SUSD6: variants seen among roughly 807,000 people sequenced by gnomAD.
SUSD6 encodes the protein sushi domain-containing protein 6.
SUSD6 carries 16 observed loss-of-function variants against 28.4 expected under a neutral mutation model. The observed-to-expected ratio is 0.56, with a 90% confidence interval of 0.38 to 0.86. The LOEUF is 0.86. SUSD6 is among the 40% of genes least tolerant of loss of function. The pLI, the probability that SUSD6 is intolerant of heterozygous loss-of-function variation, is 0.00. For synonymous variants in SUSD6, 147 were observed against 159.6 expected (o/e 0.92, Z 0.59); for missense variants, 341 against 384.2 (o/e 0.89, Z 0.94).
intron 1 of SUSD6, among the ~76,000 whole-genome samples, chr14:69,626,862 AC>A (rs1479555711): frequency 6.7e-6 from 1 of 150,070 alleles, no homozygotes; most frequent in South Asian, 2.1e-4. Flanking sequence ...AAAAAAAAAA[AC>A]GTGTTTTTTT....
At chr14:69,660,066 G>C (rs1885640509) in intron 2 of SUSD6, among the ~76,000 whole-genome samples, 1 of 152,140 alleles carries the variant, frequency 6.6e-6, no homozygotes, top group African/African-American at 2.4e-5. Flanking sequence ...CAGTTTCCTT[G>C]TCCAGTGCTT....
intron 2 of SUSD6, among the ~76,000 whole-genome samples, chr14:69,672,173 C>G (rs924842594): frequency 6.6e-6 from 1 of 152,188 alleles, no homozygotes; most frequent in Non-Finnish European, 1.5e-5. Flanking sequence ...AGATCAAACA[C>G]AAGTTTCCAA....
intron 1 of SUSD6, among the ~76,000 whole-genome samples, chr14:69,641,899 C>T (rs1595038419): frequency 6.6e-6 from 1 of 152,204 alleles, no homozygotes; most frequent in Admixed American, 6.5e-5. Context: ...GCCACTGTGC[C>T]TAGCCACTTC....
intron 1 of SUSD6, among the ~76,000 whole-genome samples, chr14:69,635,738 G>A (rs2208653): frequency 0.99 from 151,221 of 152,372 alleles, 75,045 homozygotes; most frequent in Middle Eastern, 1. Flanking sequence ...GAGACCAAAC[G>A]TGGCTTTTCA....
chr14:69,685,487 G>T (rs1028110579), intron 2 of SUSD6, among the ~76,000 whole-genome samples: 3 of 152,206 alleles, frequency 2.0e-5, no homozygotes, highest in African/African-American at 7.2e-5. Flanking sequence ...ACAGGCTTGT[G>T]CAGGTGCTGA....
intron 2 of SUSD6, among the ~76,000 whole-genome samples, chr14:69,674,167 C>A (rs1885873796): frequency 6.6e-6 from 1 of 152,186 alleles, no homozygotes; most frequent in Non-Finnish European, 1.5e-5. Flanking sequence ...GACTGCATCA[C>A]TGTCGTGCCT....
At chr14:69,681,378 T>C (rs1243480655) in intron 2 of SUSD6, among the ~76,000 whole-genome samples, 3 of 152,186 alleles carry the variant, frequency 2.0e-5, no homozygotes, top group Admixed American at 6.5e-5. Flanking sequence ...AAATAAAACT[T>C]TATAAACCCT....
intron 1 of SUSD6, among the ~76,000 whole-genome samples, chr14:69,619,228 G>A (rs1885000883): frequency 6.6e-6 from 1 of 152,196 alleles, no homozygotes; most frequent in African/African-American, 2.4e-5. Flanking sequence ...TGTGATTGTA[G>A]TTTTGAGTCT....
chr14:69,625,044 T>C (rs1395874356), intron 1 of SUSD6, among the ~76,000 whole-genome samples: 1 of 152,232 alleles, frequency 6.6e-6, no homozygotes. Context: ...GGTATGTGTC[T>C]GACAACTAAA....
chr14:69,703,332 C>A, intron 2 of SUSD6, 63 bp from the exon 3 acceptor site: 1 of 1,329,410 alleles, frequency 7.5e-7, no homozygotes, highest in Non-Finnish European at 1.1e-6. Context: ...AGCTGCGTCA[C>A]TGAGAGCAGA....
At chr14:69,710,764 G>A (rs899152697) in intron 5 of SUSD6, among the ~76,000 whole-genome samples, 190 bp from the exon 6 acceptor site, 5 of 152,144 alleles carry the variant, frequency 3.3e-5, no homozygotes, top group Admixed American at 3.3e-4. Flanking sequence ...TAGGCACTGG[G>A]AAAGATAAGC....
In SUSD6 at chr14:69,712,931, C is replaced by T. The variant is rs1182249025; in HGVS notation, c.*1952C>T. ...GCAGATGAGACTAGCATGGGCCCAC[C>T]TGGAGGGCTGTCCCTAATGGCCCCA... On this transcript the variant is annotated 3_prime_UTR_variant, in exon 6 of 6. Transcript: ENST00000342745. 1 of 152,446 alleles carries T rather than the reference C, an allele frequency of 6.6e-6. No homozygotes were observed. Among genetic ancestry groups the T allele is most frequent in the African/African-American group, 2.4e-5 (1 of 41,452 alleles). 9.4% of individuals were successfully genotyped at this position (152,446 alleles called of 1,614,324 possible). A position where few individuals can be genotyped will look rare whatever the true frequency, so the allele number is the denominator to read the frequency against.
chr14:69,657,606 A>G (rs969522737), intron 1 of SUSD6, among the ~76,000 whole-genome samples: 4 of 152,346 alleles, frequency 2.6e-5, no homozygotes, highest in African/African-American at 9.6e-5. Context: ...AAAAAAAAGA[A>G]GTGTAATATT....
chr14:69,639,520 C>G (rs562925063), intron 1 of SUSD6, among the ~76,000 whole-genome samples: 1 of 152,194 alleles, frequency 6.6e-6, no homozygotes, highest in Admixed American at 6.5e-5. Flanking sequence ...AAGCCCCTCT[C>G]TGAGGGAGTG....
chr14:69,710,287 G>C (rs930350585), intron 5 of SUSD6, among the ~76,000 whole-genome samples: 1 of 152,220 alleles, frequency 6.6e-6, no homozygotes, highest in African/African-American at 2.4e-5. Flanking sequence ...AGGCCATCTT[G>C]TGCCTAATGC....
chr14:69,708,197 C>T (rs1330650135), intron 4 of SUSD6, among the ~76,000 whole-genome samples: 1 of 152,228 alleles, frequency 6.6e-6, no homozygotes, highest in Non-Finnish European at 1.5e-5. Flanking sequence ...ACATACCATA[C>T]AGTGTACCTA....
chr14:69,613,079 C>G (rs1884905654), intron 1 of SUSD6, among the ~76,000 whole-genome samples: 1 of 152,068 alleles, frequency 6.6e-6, no homozygotes, highest in Non-Finnish European at 1.5e-5. Context: ...TTAAAATTTT[C>G]CTGGAGTTGG....
At chr14:69,674,700 G>A (rs1438673854) in intron 2 of SUSD6, among the ~76,000 whole-genome samples, 1 of 152,116 alleles carries the variant, frequency 6.6e-6, no homozygotes, top group Admixed American at 6.5e-5. Context: ...ACCAGAGCCT[G>A]ATGGTGTTTG....
intron 1 of SUSD6, among the ~76,000 whole-genome samples, chr14:69,626,827 C>T (rs1435344438): frequency 6.6e-6 from 1 of 151,728 alleles, no homozygotes; most frequent in Non-Finnish European, 1.5e-5. Context: ...GGATTACAGG[C>T]ACGCATCACT....
Sources: allele counts gnomAD v4.1 joint callset (sites outside exome capture counted in the v4.1 genomes callset), GRCh38; gene constraint gnomAD v4.1.1; transcripts MANE v1.5; gene names NCBI Gene and HGNC (gene_info 2026-07-23, HGNC 2026-07-21).